The following PTPRT variants were observed in gnomAD, a reference collection of about 807,000 sequenced individuals.
PTPRT encodes the protein protein tyrosine phosphatase receptor type T.
PTPRT carries 56 observed loss-of-function variants against 176.8 expected under a neutral mutation model. The observed-to-expected ratio is 0.32, with a 90% CI of 0.26 to 0.40. PTPRT has a LOEUF of 0.40. PTPRT is among the 10% of genes least tolerant of loss of function. The pLI is 1.00. For synonymous variants in PTPRT, 783 were observed against 739.0 expected, an observed-to-expected ratio of 1.06 and a Z score of -0.96; for missense variants, 1,540 against 1,908.2, an observed-to-expected ratio of 0.81 and a Z score of 3.60.
At chr20:42,385,036 G>C (rs944902968) in intron 9 of PTPRT, among the ~76,000 whole-genome samples, 4 of 152,150 alleles carry the variant, frequency 2.6e-5, no homozygotes, top group African/African-American at 9.7e-5. Flanking sequence ...TCTGTAGGCT[G>C]TCTCTTCATT....
chr20:42,880,804 G>A lies in PTPRT; in HGVS notation c.214+5003C>T, dbSNP rs546378821. 3.3e-5 allele frequency among the ~76,000 whole-genome samples: 5 copies of A among 152,346 alleles called. No homozygotes were observed. In the South Asian group the frequency reaches 1.0e-3, roughly 32 times the overall value. On this transcript the variant is annotated intron_variant, in intron 2 of 30. Coordinates refer to ENST00000373187, the MANE Select transcript of PTPRT (RefSeq NM_007050.6). Reference sequence around the variant, plus strand: ...TGAAGCCTGGAATGCTAGTGCAAGAGCTTCTCCCATGGACAGAGATGAGGA... The same window carrying A: ...TGAAGCCTGGAATGCTAGTGCAAGAACTTCTCCCATGGACAGAGATGAGGA...
At chr20:42,110,699 G>A (rs546226549) in intron 22 of PTPRT, among the ~76,000 whole-genome samples, 1 of 152,228 alleles carries the variant, frequency 6.6e-6, no homozygotes, top group Non-Finnish European at 1.5e-5. Flanking sequence ...TGGCTTTATT[G>A]CAGGATTTCT....
At chr20:42,585,777 T>C (rs2073460401) in intron 7 of PTPRT, among the ~76,000 whole-genome samples, 1 of 152,208 alleles carries the variant, frequency 6.6e-6, no homozygotes, top group African/African-American at 2.4e-5. Context: ...GTGATTATTA[T>C]GTAATAATAG....
chr20:42,417,774 C>G (rs181951883), intron 9 of PTPRT, among the ~76,000 whole-genome samples: 83 of 151,522 alleles, frequency 5.5e-4, no homozygotes, highest in Admixed American at 1.3e-3. Flanking sequence ...GTCTCACTCT[C>G]TCACCCAGGC....
chr20:42,659,718 C>T (rs891802028), intron 7 of PTPRT, among the ~76,000 whole-genome samples: 4 of 152,162 alleles, frequency 2.6e-5, no homozygotes, highest in Non-Finnish European at 5.9e-5. Context: ...TTCCTCTGGG[C>T]TCAATTTTAT....
intron 16 of PTPRT, among the ~76,000 whole-genome samples, chr20:42,194,230 A>G (rs1018858842): frequency 4.6e-5 from 7 of 152,216 alleles, no homozygotes; most frequent in African/African-American, 1.7e-4. Context: ...ACCGTGCCAC[A>G]TGGCTTACAG....
intron 13 of PTPRT, among the ~76,000 whole-genome samples, chr20:42,260,197 C>T (rs1286531598): frequency 6.6e-6 from 1 of 152,202 alleles, no homozygotes; most frequent in Non-Finnish European, 1.5e-5. Flanking sequence ...CCACGTCATC[C>T]ATGGTGTGGG....
chr20:42,655,853 A>C (rs565680209), intron 7 of PTPRT, among the ~76,000 whole-genome samples: 1 of 152,192 alleles, frequency 6.6e-6, no homozygotes. Context: ...ACAGGTAGGA[A>C]AAGTAGTCAG....
chr20:42,118,376 G>A (rs1568947409), intron 21 of PTPRT, 27 bp downstream of exon 21: 1 of 1,572,862 alleles, frequency 6.4e-7, no homozygotes, highest in Non-Finnish European at 8.7e-7. Flanking sequence ...AGCATCCTCT[G>A]CCCAGGCGAG....
intron 9 of PTPRT, among the ~76,000 whole-genome samples, chr20:42,429,959 A>C (rs1320690854): frequency 6.6e-6 from 1 of 152,240 alleles, no homozygotes; most frequent in African/African-American, 2.4e-5. Context: ...GCAAGCCCGC[A>C]AGGGCTGAGT....
rs1219006294 is a variant in PTPRT at position 43,076,185 on chromosome 20, C to T, written c.88+113461G>A. 2.6e-5 allele frequency among the ~76,000 whole-genome samples: 4 copies of T among 152,176 alleles called. 1 individual carries two copies. In the East Asian group the frequency reaches 7.7e-4, roughly 29 times the overall value. ...GTTGGGTGGGCAGATAGTGCCTTTT[C>T]CTTCTGTGCGTGTCTTTTCTTCTCA... On this transcript the variant is annotated intron_variant, in intron 1 of 30. Transcript: ENST00000373187.
intron 7 of PTPRT, among the ~76,000 whole-genome samples, chr20:42,562,768 G>A (rs2072973718): frequency 6.6e-6 from 1 of 152,100 alleles, no homozygotes; most frequent in Non-Finnish European, 1.5e-5. Flanking sequence ...ATCCCTCCAG[G>A]CTCAGGGCTA....
intron 7 of PTPRT, among the ~76,000 whole-genome samples, chr20:42,604,235 T>C (rs755475251): frequency 6.6e-6 from 1 of 152,192 alleles, no homozygotes; most frequent in South Asian, 2.1e-4. Context: ...CTGCATTTCC[T>C]GGTTTTTTCA....
At chr20:42,374,547 T>A (rs2058628517) in intron 9 of PTPRT, among the ~76,000 whole-genome samples, 1 of 151,826 alleles carries the variant, frequency 6.6e-6, no homozygotes, top group African/African-American at 2.4e-5. Context: ...GCAGAGAACG[T>A]CAATATTTTC....
At chr20:42,930,813 A>G (rs951117070) in intron 1 of PTPRT, among the ~76,000 whole-genome samples, 3 of 152,090 alleles carry the variant, frequency 2.0e-5, no homozygotes, top group Non-Finnish European at 2.9e-5. Flanking sequence ...TTCCCTCTCT[A>G]TTATGAAACA....
At chr20:42,294,278 A>G (rs1367542554) in intron 12 of PTPRT, among the ~76,000 whole-genome samples, 1 of 152,184 alleles carries the variant, frequency 6.6e-6, no homozygotes, top group Non-Finnish European at 1.5e-5. Flanking sequence ...CTAAGAGTAC[A>G]GGAAAAGGAC....
chr20:42,656,692 T>A lies in PTPRT; in HGVS notation c.1153+21174A>T, dbSNP rs73907223. Reference sequence around the variant, plus strand: ...GGAAAAAATATTACATATGTGCACATATATTAGTATCTTTCAGGATGCTGA... The same window carrying A: ...GGAAAAAATATTACATATGTGCACAAATATTAGTATCTTTCAGGATGCTGA... On this transcript the variant is annotated intron_variant, in intron 7 of 30. Coordinates refer to ENST00000373187, the MANE Select transcript of PTPRT (RefSeq NM_007050.6). Among the ~76,000 whole-genome samples the A allele has an allele frequency of 5.4e-3, 815 of 152,232 alleles. 10 individuals are homozygous for A. The highest frequency in any genetic ancestry group is 0.019 in the African/African-American group (780 of 41,558).
intron 1 of PTPRT, among the ~76,000 whole-genome samples, chr20:43,135,927 A>G (rs754545733): frequency 1.3e-5 from 2 of 152,162 alleles, no homozygotes; most frequent in Admixed American, 6.5e-5. Context: ...CTAAACAGAG[A>G]ATGGTGTTTT....
chr20:42,745,806 G>A (rs1321546025), intron 6 of PTPRT, among the ~76,000 whole-genome samples: 1 of 152,236 alleles, frequency 6.6e-6, no homozygotes, highest in Non-Finnish European at 1.5e-5. Context: ...TATAGGAAGA[G>A]GGCAGGCCTT....
Sources: gnomAD v4.1 joint callset for allele counts (sites outside exome capture counted in the v4.1 genomes callset) on GRCh38, gnomAD v4.1.1 for gene constraint, MANE v1.5 for transcripts, NCBI Gene and HGNC (gene_info 2026-07-23, HGNC 2026-07-21) for gene names.